ZBBX: variants seen among roughly 807,000 people sequenced by gnomAD.
ZBBX encodes the protein zinc finger B-box domain containing.
ZBBX carries 101 observed loss-of-function variants against 108.5 expected under a neutral mutation model. The ratio of observed to expected loss-of-function variants is 0.93; its 90% CI spans 0.79 to 1.10. ZBBX has a LOEUF of 1.10. Among genes scored for constraint, ZBBX ranks in the 50% least tolerant of loss-of-function variants. The probability of loss-of-function intolerance (pLI) is 0.00; values close to 1 mark genes in which losing one functional copy is unlikely to be tolerated. For missense variants in ZBBX, 1,009 were observed against 941.4 expected (o/e 1.07, Z -0.94); for synonymous variants, 356 against 323.4 (o/e 1.10, Z -1.08).
intron 19 of ZBBX, among the ~76,000 whole-genome samples, chr3:167,286,496 A>G (rs2108546879): frequency 6.6e-6 from 1 of 152,288 alleles, no homozygotes; most frequent in East Asian, 1.9e-4. Flanking sequence ...TATAAATAGT[A>G]GAATATAATG....
the ZBBX span, among the ~76,000 whole-genome samples, chr3:167,181,922 TA>T: frequency 6.6e-6 from 1 of 152,164 alleles, no homozygotes; most frequent in Non-Finnish European, 1.5e-5. Flanking sequence ...TTGTGCAGCA[TA>T]AATCTACTGT....
chr3:167,183,424 C>G, the ZBBX span, among the ~76,000 whole-genome samples: 2 of 152,182 alleles, frequency 1.3e-5, no homozygotes, highest in Non-Finnish European at 2.9e-5. Flanking sequence ...GCACCACTTG[C>G]CAAGACCAGC....
At chr3:167,364,134 A>AT (rs1348539176) in intron 6 of ZBBX, among the ~76,000 whole-genome samples, 1 of 151,620 alleles carries the variant, frequency 6.6e-6, no homozygotes, top group African/African-American at 2.4e-5. Flanking sequence ...TGTCAAGTGC[A>AT]TTGTAGGATG....
At chr3:167,325,879 T>C (rs1440251156) in intron 11 of ZBBX, among the ~76,000 whole-genome samples, 1 of 152,168 alleles carries the variant, frequency 6.6e-6, no homozygotes, top group Non-Finnish European at 1.5e-5. Context: ...TAATAATTTA[T>C]TGTCAACCAA....
intron 20 of ZBBX, among the ~76,000 whole-genome samples, chr3:167,279,220 CA>C (rs1463672860): frequency 6.6e-6 from 1 of 152,162 alleles, no homozygotes; most frequent in Admixed American, 6.5e-5. Context: ...CACTCCTGTT[CA>C]ACATAGTGTT....
chr3:167,333,997 G>C lies in ZBBX; in HGVS notation c.529-12C>G. On this transcript the variant is annotated splice_polypyrimidine_tract_variant and intron_variant, in intron 9 of 21. Coordinates refer to ENST00000675490, the MANE Select transcript of ZBBX (RefSeq NM_001199201.2). ...ATTTGAGATTTTGCCTATTAAAAAA[G>C]TAACAATATAATTAAAGCGCCTCAT... The C allele has an allele frequency of 6.7e-7, 1 of 1,496,700 alleles. No individual in the cohort carries two copies. Among genetic ancestry groups the C allele is most frequent in the African/African-American group, 1.4e-5 (1 of 71,300 alleles). 92.7% of individuals were successfully genotyped at this position (1,496,700 alleles called of 1,614,324 possible). A position where few individuals can be genotyped will look rare whatever the true frequency, so the allele number is the denominator to read the frequency against.
chr3:167,356,339 G>C (rs1205415473), intron 8 of ZBBX, among the ~76,000 whole-genome samples: 1 of 151,912 alleles, frequency 6.6e-6, no homozygotes, highest in South Asian at 2.1e-4. Flanking sequence ...CTACTACCAA[G>C]AGCGGGGGTT....
intron 1 of ZBBX, among the ~76,000 whole-genome samples, chr3:167,393,415 T>C (rs1312885201): frequency 6.6e-6 from 1 of 151,934 alleles, no homozygotes; most frequent in Non-Finnish European, 1.5e-5. Context: ...CCATTGCTAC[T>C]TATTTTATTC....
At chr3:167,238,982 CTATATCTATCTA>C (rs1431133638), downstream of ZBBX, among the ~76,000 whole-genome samples, 2 of 152,056 alleles carry the variant, frequency 1.3e-5, no homozygotes, top group African/African-American at 4.8e-5. Context: ...ATCTATATAT[CTATATCTATCTA>C]TATATCTATC....
chr3:167,298,890 GA>G (rs11388868), intron 17 of ZBBX, among the ~76,000 whole-genome samples: 28 of 150,156 alleles, frequency 1.9e-4, no homozygotes, highest in Admixed American at 4.0e-4. Flanking sequence ...AATGGTCATG[GA>G]AAAAAAAATG....
the ZBBX span, among the ~76,000 whole-genome samples, chr3:167,222,670 C>T: frequency 6.6e-6 from 1 of 151,822 alleles, no homozygotes; most frequent in Non-Finnish European, 1.5e-5. Context: ...CAAAATATCT[C>T]ATGTACCTCA....
intron 1 of ZBBX, among the ~76,000 whole-genome samples, chr3:167,396,947 A>T (rs1347272785): frequency 6.6e-6 from 1 of 151,668 alleles, no homozygotes; most frequent in Non-Finnish European, 1.5e-5. Context: ...ACAATGTCAT[A>T]TCTGGTTATT....
chr3:167,191,380 C>T, the ZBBX span, among the ~76,000 whole-genome samples: 1,029 of 152,252 alleles, frequency 6.8e-3, 11 homozygotes, highest in African/African-American at 0.023. Flanking sequence ...TTCTCTGATA[C>T]GGTTTGGCTG....
Position 167,282,324 on chromosome 3 carries a change from T to C in ZBBX, c.2168A>G (p.Gln723Arg), listed in dbSNP as rs1446121101. ...SEIEYIDITD[Q>R]NELSLDDTTD... ...AGTGTCATCTAAGGAAAGCTCATTC[T>C]GGTCAGTAATATCAATATATTCAAT... Residue 723 changes from glutamine to arginine, a missense_variant, in exon 20 of 22, where the codon CAG (glutamine) becomes CGG (arginine). Physicochemically the swap from Gln to Arg is conservative, Grantham distance 43. Transcript: ENST00000675490. The C allele has an allele frequency of 1.9e-6, 3 of 1,613,962 alleles. No individual in the cohort carries two copies. Among genetic ancestry groups the C allele is most frequent in the Non-Finnish European group, 2.5e-6 (3 of 1,179,938 alleles).
chr3:167,294,413 C>T (rs1731270668), intron 18 of ZBBX, among the ~76,000 whole-genome samples: 2 of 152,142 alleles, frequency 1.3e-5, no homozygotes, highest in Non-Finnish European at 2.9e-5. Flanking sequence ...GCCATCTGAT[C>T]TTTGACAGAC....
chr3:167,181,831 C>T, the ZBBX span, among the ~76,000 whole-genome samples: 1 of 152,076 alleles, frequency 6.6e-6, no homozygotes, highest in Admixed American at 6.5e-5. Context: ...AGAAGTAATC[C>T]TACTGTCCCC....
chr3:167,273,028 G>A (rs1002791654), intron 20 of ZBBX, among the ~76,000 whole-genome samples: 4 of 152,134 alleles, frequency 2.6e-5, no homozygotes, highest in Admixed American at 2.6e-4. Flanking sequence ...TAACATAGGA[G>A]CCAACTTGGC....
At chr3:167,225,587 T>G in the ZBBX span, among the ~76,000 whole-genome samples, 3 of 151,798 alleles carry the variant, frequency 2.0e-5, no homozygotes, top group Admixed American at 2.0e-4. Context: ...ATCATAACTA[T>G]CCCACTAGTC....
chr3:167,208,633 C>T, the ZBBX span, among the ~76,000 whole-genome samples: 1 of 152,104 alleles, frequency 6.6e-6, no homozygotes, highest in Non-Finnish European at 1.5e-5. Flanking sequence ...ATTAAAGAGC[C>T]CTTGGGCTCT....
Sources: allele counts gnomAD v4.1 joint callset (sites outside exome capture counted in the v4.1 genomes callset), GRCh38; gene constraint gnomAD v4.1.1; transcripts MANE v1.5; gene names NCBI Gene and HGNC (gene_info 2026-07-23, HGNC 2026-07-21).